AQP9: variants seen among roughly 807,000 people sequenced by gnomAD.
The protein encoded by AQP9 is aquaporin-9.
A neutral mutation model predicts 23.8 loss-of-function variants in AQP9; 19 were observed. That is an observed-to-expected ratio of 0.80 (90% CI 0.56 to 1.17). AQP9 has a LOEUF of 1.17. AQP9 is among the 50% of genes most tolerant of loss of function. AQP9 has a pLI of 0.00. For synonymous variants in AQP9, 153 were observed against 131.5 expected (o/e 1.16, Z -1.12); for missense variants, 413 against 362.0 (o/e 1.14, Z -1.14).
chr15:58,151,516 T>A (rs1898149365), intron 1 of AQP9: 1 of 152,084 alleles, frequency 6.6e-6, no homozygotes, highest in Non-Finnish European at 1.5e-5. Flanking sequence ...CCCCTTCTAA[T>A]CTTAACAACC....
chr15:58,178,719 T>C (rs1898811561), intron 4 of AQP9, among the ~76,000 whole-genome samples: 2 of 152,222 alleles, frequency 1.3e-5, no homozygotes, highest in African/African-American at 4.8e-5. Context: ...TCTATTGATA[T>C]CTCACATTGC....
chr15:58,183,634 C>A (rs1289554372), intron 5 of AQP9, among the ~76,000 whole-genome samples: 2 of 152,108 alleles, frequency 1.3e-5, no homozygotes, highest in Non-Finnish European at 2.9e-5. Context: ...GAGGGAAAGG[C>A]AATTCTGAAT....
At chr15:58,163,395 A>G (rs1249088296) in intron 1 of AQP9, among the ~76,000 whole-genome samples, 1 of 151,870 alleles carries the variant, frequency 6.6e-6, no homozygotes, top group Non-Finnish European at 1.5e-5. Flanking sequence ...AAGGGGACAG[A>G]ATAAAATCAA....
intron 1 of AQP9, among the ~76,000 whole-genome samples, chr15:58,162,693 C>G (rs1399306609): frequency 6.6e-6 from 1 of 152,182 alleles, no homozygotes; most frequent in Non-Finnish European, 1.5e-5. Context: ...TCTTGGAACT[C>G]AGCAACCATA....
At chr15:58,167,582 A>G (rs999580334) in intron 2 of AQP9, among the ~76,000 whole-genome samples, 1 of 152,190 alleles carries the variant, frequency 6.6e-6, no homozygotes, top group Non-Finnish European at 1.5e-5. Context: ...CCATTCTACA[A>G]AGAAATCCCT....
At chr15:58,147,072 G>A (rs890681780) in intron 1 of AQP9, among the ~76,000 whole-genome samples, 16 of 152,152 alleles carry the variant, frequency 1.1e-4, no homozygotes, top group Non-Finnish European at 5.9e-5. Flanking sequence ...AGAAAAGTCC[G>A]TTCTGGATCA....
chr15:58,145,626 T>C (rs8023564), intron 1 of AQP9, among the ~76,000 whole-genome samples: 63,693 of 152,090 alleles, frequency 0.42, 16,125 homozygotes, highest in Non-Finnish European at 0.58. Context: ...TGTTGTCTAA[T>C]ATTTAAATTT....
intron 4 of AQP9, among the ~76,000 whole-genome samples, chr15:58,177,175 G>A (rs1898777311): frequency 6.6e-6 from 1 of 152,126 alleles, no homozygotes. Flanking sequence ...CTTATTTCAA[G>A]ATTACTAAAT....
chr15:58,163,893 C>T (rs1425386532), intron 1 of AQP9: 1 of 152,212 alleles, frequency 6.6e-6, no homozygotes, highest in Non-Finnish European at 1.5e-5. Flanking sequence ...TCTGCTGTCC[C>T]GGTGCTCTGA....
intron 5 of AQP9, among the ~76,000 whole-genome samples, chr15:58,182,013 C>T (rs1309445510): frequency 6.6e-6 from 1 of 152,118 alleles, no homozygotes; most frequent in Non-Finnish European, 1.5e-5. Flanking sequence ...ACAAGGCTAC[C>T]TTGTTCCCAG....
chr15:58,165,581 C>G (rs1898481861), intron 1 of AQP9, among the ~76,000 whole-genome samples: 1 of 152,146 alleles, frequency 6.6e-6, no homozygotes. Context: ...TAGCACTGCT[C>G]TGCATCTTTT....
At chr15:58,158,002 T>C (rs1486698685) in intron 1 of AQP9, among the ~76,000 whole-genome samples, 2 of 152,156 alleles carry the variant, frequency 1.3e-5, no homozygotes, top group Non-Finnish European at 2.9e-5. Flanking sequence ...GCACTTGTCC[T>C]GGTAAAGACC....
intron 2 of AQP9, among the ~76,000 whole-genome samples, chr15:58,167,914 G>A (rs1898543234): frequency 1.3e-5 from 2 of 151,964 alleles, no homozygotes; most frequent in Admixed American, 6.6e-5. Context: ...TAGTAGAGAC[G>A]GGGTTTCACC....
At position 58,173,861 on chromosome 15, in the gene AQP9, G is replaced by T. The variant is rs1216045196; in HGVS notation, c.376+656G>T. On this transcript the variant is annotated intron_variant, in intron 3 of 5. Coordinates refer to ENST00000219919, the MANE Select transcript of AQP9 (RefSeq NM_020980.5). ...AGGCCTTTCAAACTAAAACACCTTGGTGTTCCCATGAAATCAACTGTTAAA... is the reference window on the plus strand; with the variant it reads ...AGGCCTTTCAAACTAAAACACCTTGTTGTTCCCATGAAATCAACTGTTAAA... 2.0e-5 allele frequency among the ~76,000 whole-genome samples: 3 copies of T among 152,158 alleles called. No individual in the cohort carries two copies. In the South Asian group the frequency reaches 6.2e-4, roughly 32 times the overall value.
rs1898662276 is a variant in AQP9, at chr15:58,173,185, C to T, written c.356C>T (p.Thr119Ile). The T allele has an allele frequency of 6.2e-7, 1 of 1,614,120 alleles. No individual in the cohort carries two copies. The highest frequency in any genetic ancestry group is 8.5e-7 in the Non-Finnish European group (1 of 1,180,022). Residue 119 changes from threonine (T) to isoleucine (I), a missense_variant, in exon 3 of 6, where the codon ACC becomes ATC. Thr to Ile is a moderately conservative substitution (Grantham distance 89, BLOSUM62 -1). Coordinates refer to ENST00000219919, the MANE Select transcript of AQP9 (RefSeq NM_020980.5). ...QFLGAFVGAA[T>I]VFGIYYDGLM... Reference sequence around the variant, plus strand: ...TTGGGAGCCTTTGTGGGGGCTGCAACCGTCTTTGGCATTTACTATGGTGAG... The same window carrying T: ...TTGGGAGCCTTTGTGGGGGCTGCAATCGTCTTTGGCATTTACTATGGTGAG...
At chr15:58,144,057 T>TGTA (rs1199274170) in intron 1 of AQP9, among the ~76,000 whole-genome samples, 1 of 152,240 alleles carries the variant, frequency 6.6e-6, no homozygotes, top group East Asian at 1.9e-4. Flanking sequence ...CACTAGTAAT[T>TGTA]GTACTCAATT....
At chr15:58,163,754 T>A (rs1400107906) in intron 1 of AQP9, among the ~76,000 whole-genome samples, 2 of 152,022 alleles carry the variant, frequency 1.3e-5, no homozygotes, top group African/African-American at 4.8e-5. Context: ...CTTTGTATCA[T>A]CAATACCATA....
chr15:58,169,344 A>G (rs1440589898), intron 2 of AQP9, among the ~76,000 whole-genome samples: 4 of 152,174 alleles, frequency 2.6e-5, no homozygotes, highest in Non-Finnish European at 5.9e-5. Context: ...TTATCTTTCT[A>G]TCTCTATTTG....
At chr15:58,181,565 A>C (rs1392218533) in intron 5 of AQP9, among the ~76,000 whole-genome samples, 1 of 152,234 alleles carries the variant, frequency 6.6e-6, no homozygotes, top group Non-Finnish European at 1.5e-5. Flanking sequence ...ACACAATGTT[A>C]AAATCACAAG....
Sources: allele counts gnomAD v4.1 joint callset (sites outside exome capture counted in the v4.1 genomes callset), GRCh38; gene constraint gnomAD v4.1.1; transcripts MANE v1.5; gene names NCBI Gene and HGNC (gene_info 2026-07-23, HGNC 2026-07-21).